Variants in ADGRG2 observed in about 807,000 individuals in gnomAD.
ADGRG2 encodes the protein adhesion G protein-coupled receptor G2.
Under a neutral mutation model 74.1 loss-of-function variants are expected in ADGRG2, and 26 were observed. The ratio of observed to expected loss-of-function variants is 0.35; its 90% CI spans 0.26 to 0.49. ADGRG2 has a LOEUF of 0.49. Ranked by LOEUF, ADGRG2 falls within the 20% of genes least tolerant of loss-of-function variation. The probability of loss-of-function intolerance (pLI) is 0.99; values close to 1 mark genes in which losing one functional copy is unlikely to be tolerated. For missense variants in ADGRG2, 619 were observed against 763.1 expected (o/e 0.81, Z 2.22); for synonymous variants, 296 against 295.2 (o/e 1.00, Z -0.03).
intron 25 of ADGRG2, 84 bp from the exon 26 acceptor site, chrX:18,999,363 C>T: frequency 1.2e-6 from 1 of 827,081 alleles, no homozygotes. Flanking sequence ...GAATCTCTAA[C>T]ATTTTACTGA....
At chrX:18,995,845 C>A (rs2060007780) in intron 27 of ADGRG2, among the ~76,000 whole-genome samples, 1 of 112,037 alleles carries the variant, frequency 8.9e-6, no homozygotes, top group Non-Finnish European at 1.9e-5. Context: ...TTTTATTGCT[C>A]AAAAAATTCC....
At chrX:18,997,998 A>G (rs2060049327) in intron 26 of ADGRG2, among the ~76,000 whole-genome samples, 1 of 112,825 alleles carries the variant, frequency 8.9e-6, no homozygotes, top group South Asian at 3.6e-4. Flanking sequence ...CACGTCTTTC[A>G]TAACACTGCT....
chrX:19,103,432 G>A (rs940871665), intron 1 of ADGRG2, among the ~76,000 whole-genome samples: 24 of 111,653 alleles, frequency 2.1e-4, no homozygotes, highest in Admixed American at 1.5e-3. Context: ...ATTCTCAGTC[G>A]AGCAGCCCAT....
chrX:19,067,443 C>CA (rs2061586449), intron 3 of ADGRG2, among the ~76,000 whole-genome samples: 1 of 112,105 alleles, frequency 8.9e-6, no homozygotes, highest in African/African-American at 3.2e-5. Context: ...ACAATACCCA[C>CA]ATGCACGAGA....
chrX:19,094,394 T>C (rs937240992), intron 1 of ADGRG2, among the ~76,000 whole-genome samples: 3 of 109,939 alleles, frequency 2.7e-5, no homozygotes, highest in Non-Finnish European at 5.7e-5. Context: ...GTTTGGGTGG[T>C]GAACAGGGAT....
At chrX:19,057,192 C>T (rs750735596) in intron 3 of ADGRG2, among the ~76,000 whole-genome samples, 2 of 111,622 alleles carry the variant, frequency 1.8e-5, no homozygotes, top group South Asian at 3.8e-4. Context: ...ATGGTTTCTT[C>T]CAGGATTTAC....
At chrX:19,031,411 A>G (rs182781732) in intron 8 of ADGRG2, 11 of 149,734 alleles carry the variant, frequency 7.3e-5, no homozygotes, top group African/African-American at 3.1e-4. Flanking sequence ...TTCTTTTCCT[A>G]TGTAGGGGAG....
At chrX:19,037,912 G>A (rs1030289462) in intron 4 of ADGRG2, among the ~76,000 whole-genome samples, 2 of 111,864 alleles carry the variant, frequency 1.8e-5, no homozygotes. Context: ...TTAGGAACCA[G>A]ACCAAAATAC....
At chrX:19,011,628 G>C (rs992333031) in intron 16 of ADGRG2, among the ~76,000 whole-genome samples, 2 of 111,726 alleles carry the variant, frequency 1.8e-5, no homozygotes, top group African/African-American at 3.3e-5. Flanking sequence ...GATCACCTGA[G>C]GTCAGGAGTT....
chrX:19,009,180 CT>C (rs768125023), intron 18 of ADGRG2, among the ~76,000 whole-genome samples: 270 of 99,250 alleles, frequency 2.7e-3, no homozygotes, highest in Admixed American at 3.5e-3. Context: ...AGACCAACGT[CT>C]TTTTTTTTTT....
At chrX:19,044,471 A>G (rs934847670) in intron 3 of ADGRG2, among the ~76,000 whole-genome samples, 1 of 111,886 alleles carries the variant, frequency 8.9e-6, no homozygotes, top group Admixed American at 9.5e-5. Context: ...TATGTAAGGT[A>G]ACATATTTAC....
At chrX:19,081,535 C>T (rs1293811273) in intron 2 of ADGRG2, among the ~76,000 whole-genome samples, 1 of 111,953 alleles carries the variant, frequency 8.9e-6, no homozygotes, top group East Asian at 2.8e-4. Flanking sequence ...TGTCATCACA[C>T]CATGCCAATT....
chrX:19,057,647 C>T (rs954756471), intron 3 of ADGRG2, among the ~76,000 whole-genome samples: 1 of 110,523 alleles, frequency 9.0e-6, no homozygotes, highest in Non-Finnish European at 1.9e-5. Flanking sequence ...TGAGACCAGC[C>T]TGGGCAACAT....
chrX:19,084,073 C>G (rs1488006630), intron 1 of ADGRG2, among the ~76,000 whole-genome samples: 2 of 111,815 alleles, frequency 1.8e-5, no homozygotes, highest in African/African-American at 6.5e-5. Context: ...CAATGATAGA[C>G]TGGATAAAGA....
chrX:19,009,181 T>G (rs1440760884), intron 18 of ADGRG2, among the ~76,000 whole-genome samples: 2 of 97,700 alleles, frequency 2.0e-5, no homozygotes, highest in Non-Finnish European at 4.1e-5. Flanking sequence ...GACCAACGTC[T>G]TTTTTTTTTT....
At chrX:19,022,706 T>A (rs1458215212) in intron 13 of ADGRG2, among the ~76,000 whole-genome samples, 2 of 111,408 alleles carry the variant, frequency 1.8e-5, no homozygotes, top group Non-Finnish European at 3.8e-5. Flanking sequence ...TTAAAAAAAA[T>A]TTTTTTTTCA....
intron 26 of ADGRG2, among the ~76,000 whole-genome samples, chrX:18,997,417 AGGGT>A (rs1307559427): frequency 8.9e-6 from 1 of 112,352 alleles, no homozygotes; most frequent in African/African-American, 3.2e-5. Flanking sequence ...TAAACATGTG[AGGGT>A]GGGTACCTTG....
chrX:19,079,801 C>G (rs1284537380), intron 2 of ADGRG2, among the ~76,000 whole-genome samples: 1 of 111,906 alleles, frequency 8.9e-6, no homozygotes, highest in Non-Finnish European at 1.9e-5. Flanking sequence ...TTCAATAAAA[C>G]AAGTGAATCA....
intron 20 of ADGRG2, among the ~76,000 whole-genome samples, chrX:19,007,011 C>A (rs2060249575): frequency 9.0e-6 from 1 of 110,950 alleles, no homozygotes; most frequent in Admixed American, 9.6e-5. Flanking sequence ...CCCGCCTCAG[C>A]CTCTCAAAGT....
Sources: allele counts gnomAD v4.1 joint callset (sites outside exome capture counted in the v4.1 genomes callset), GRCh38; gene constraint gnomAD v4.1.1; transcripts MANE v1.5; gene names NCBI Gene and HGNC (gene_info 2026-07-23, HGNC 2026-07-21).